The following CBX5 variants were observed in gnomAD, a reference collection of about 807,000 sequenced individuals.
CBX5 encodes chromobox 5, also known as chromobox protein homolog 5.
CBX5 carries 7 observed loss-of-function variants against 20.7 expected under a neutral mutation model. The observed-to-expected ratio is 0.34, with a 90% CI of 0.19 to 0.63. CBX5 has a LOEUF of 0.63. Ranked by LOEUF, CBX5 falls within the 30% of genes least tolerant of loss-of-function variation. The pLI is 0.75. For synonymous variants in CBX5, 78 were observed against 77.0 expected (o/e 1.01, Z -0.07); for missense variants, 110 against 224.1 (o/e 0.49, Z 3.25).
At chr12:54,243,018 G>C (rs1319040171) in intron 4 of CBX5, among the ~76,000 whole-genome samples, 1 of 152,088 alleles carries the variant, frequency 6.6e-6, no homozygotes, top group Non-Finnish European at 1.5e-5. Flanking sequence ...CAGCTACTTG[G>C]GAGGCTGAGG....
chr12:54,232,949 A>G lies in CBX5; in HGVS notation c.*8806T>C, dbSNP rs1229957771. ...GATCACATTCCAACAGAAACAATGA[A>G]TAAGAACCTTTTCCCCAGTGGTGGT... On this transcript the variant is annotated 3_prime_UTR_variant, in exon 5 of 5. Transcript: ENST00000209875. 6.6e-6 allele frequency: 1 copy of G among 151,996 alleles called. No homozygotes were observed. The highest frequency in any genetic ancestry group is 2.4e-5 in the African/African-American group (1 of 41,286). 9.4% of individuals were successfully genotyped at this position (151,996 alleles called of 1,614,324 possible).
At chr12:54,243,358 T>C (rs1321531626) in intron 4 of CBX5, among the ~76,000 whole-genome samples, 1 of 152,156 alleles carries the variant, frequency 6.6e-6, no homozygotes. Context: ...AGAAAAGCAC[T>C]TGAGCCCGGG....
chr12:54,266,259 A>T (rs981297047), intron 1 of CBX5, among the ~76,000 whole-genome samples: 1 of 151,646 alleles, frequency 6.6e-6, no homozygotes, highest in Non-Finnish European at 1.5e-5. Context: ...TTAGCCAGGC[A>T]TGGTGGTGGG....
intron 2 of CBX5, 66 bp from the exon 3 acceptor site, chr12:54,252,293 A>G (rs1470160373): frequency 2.6e-6 from 3 of 1,152,046 alleles, no homozygotes; most frequent in Non-Finnish European, 3.7e-6. Flanking sequence ...AAAAAATCCA[A>G]TGCCTTATTT....
intron 1 of CBX5, among the ~76,000 whole-genome samples, chr12:54,264,809 C>T (rs1023973127): frequency 4.0e-5 from 6 of 151,672 alleles, no homozygotes; most frequent in Non-Finnish European, 8.8e-5. Flanking sequence ...CGCCACTGCA[C>T]TCTAGCCTGG....
At chr12:54,273,887 T>C (rs1372190487) in intron 1 of CBX5, 1 of 152,144 alleles carries the variant, frequency 6.6e-6, no homozygotes, top group African/African-American at 2.4e-5. Context: ...GGAATAAAAT[T>C]TTAAACATCA....
At chr12:54,279,038 A>G (rs1944099443) in intron 1 of CBX5, 2 of 152,252 alleles carry the variant, frequency 1.3e-5, no homozygotes, top group East Asian at 3.8e-4. Context: ...ACAAATTATT[A>G]ACCTTGCAAA....
intron 1 of CBX5, among the ~76,000 whole-genome samples, chr12:54,277,512 T>C (rs1304930121): frequency 6.6e-6 from 1 of 152,030 alleles, no homozygotes; most frequent in Non-Finnish European, 1.5e-5. Flanking sequence ...GCCCAATTTT[T>C]GTTTTTAGTA....
intron 1 of CBX5, among the ~76,000 whole-genome samples, chr12:54,258,675 ATGT>A (rs916721693): frequency 2.0e-5 from 3 of 152,198 alleles, no homozygotes; most frequent in African/African-American, 7.2e-5. Flanking sequence ...AAAAATTCCC[ATGT>A]TGTTGTTCCA....
chr12:54,249,395 T>G (rs1943769437), intron 3 of CBX5, among the ~76,000 whole-genome samples: 1 of 151,562 alleles, frequency 6.6e-6, no homozygotes, highest in South Asian at 2.1e-4. Context: ...AAATTCTAAT[T>G]TTACTGGTCT....
At chr12:54,260,488 G>A (rs1373216013) in intron 1 of CBX5, among the ~76,000 whole-genome samples, 1 of 151,234 alleles carries the variant, frequency 6.6e-6, no homozygotes, top group Non-Finnish European at 1.5e-5. Flanking sequence ...GAGTGAGACT[G>A]TCTCGAAAAA....
chr12:54,248,235 C>T (rs1300557937), intron 3 of CBX5, among the ~76,000 whole-genome samples: 1 of 151,878 alleles, frequency 6.6e-6, no homozygotes, highest in Non-Finnish European at 1.5e-5. Context: ...GTGATCCACA[C>T]GCCTCAGCCT....
At chr12:54,244,677 G>T (rs141843878) in intron 4 of CBX5, among the ~76,000 whole-genome samples, 3,324 of 152,096 alleles carry the variant, frequency 0.022, 132 homozygotes, top group African/African-American at 0.075. Context: ...GGCAGAGATT[G>T]CAGTGAGCCA....
In CBX5 at chr12:54,245,976, A is replaced by G. The variant is rs78648075; in HGVS notation, c.425+139T>C. On this transcript the variant is annotated intron_variant, in intron 4 of 4. Coordinates refer to ENST00000209875, the MANE Select transcript of CBX5 (RefSeq NM_012117.3). ...CAGCATGGGCAACAAAGGGCGAAAC[A>G]CTGTCTCAAAAAAAGAAAGATCTCT... The G allele has an allele frequency of 1.3e-3, 846 of 657,128 alleles. 9 individuals carry two copies. The African/African-American group carries it at 0.014, about 11-fold the overall frequency. 40.7% of individuals were successfully genotyped at this position (657,128 alleles called of 1,614,324 possible). A position where few individuals can be genotyped will look rare whatever the true frequency, so the allele number is the denominator to read the frequency against.
At chr12:54,259,872 A>C (rs1262978839) in intron 1 of CBX5, among the ~76,000 whole-genome samples, 3 of 152,202 alleles carry the variant, frequency 2.0e-5, no homozygotes, top group Non-Finnish European at 2.9e-5. Context: ...ATAACATTTT[A>C]AGATCATCTA....
At position 54,256,510 on chromosome 12, in the gene CBX5, C is replaced by T. The variant is rs140345044; in HGVS notation, c.137+1004G>A. On this transcript the variant is annotated intron_variant, in intron 2 of 4. Coordinates refer to ENST00000209875, the MANE Select transcript of CBX5 (RefSeq NM_012117.3). Reference sequence around the variant, plus strand: ...GCCTTTATCCAAAAGTATTGGTAAACCACTGTATCTTTTAGTGTATTTAGG... The same window carrying T: ...GCCTTTATCCAAAAGTATTGGTAAATCACTGTATCTTTTAGTGTATTTAGG... Among the ~76,000 whole-genome samples, 993 of 152,224 alleles carry T rather than the reference C, an allele frequency of 6.5e-3. 16 individuals are homozygous for T. Among genetic ancestry groups the T allele is most frequent in the African/African-American group, 0.023 (948 of 41,522 alleles).
chr12:54,244,251 G>A (rs1037666465), intron 4 of CBX5, among the ~76,000 whole-genome samples: 10 of 150,824 alleles, frequency 6.6e-5, no homozygotes, highest in Non-Finnish European at 1.2e-4. Context: ...TGATCCGCCC[G>A]TCTCGGCGTC....
intron 1 of CBX5, among the ~76,000 whole-genome samples, chr12:54,269,944 A>G (rs1161125262): frequency 6.6e-6 from 1 of 152,180 alleles, no homozygotes. Flanking sequence ...TTCAACTAAG[A>G]CATTGAATGT....
intron 1 of CBX5, among the ~76,000 whole-genome samples, chr12:54,264,221 G>A (rs571272180): frequency 1.1e-4 from 16 of 152,232 alleles, no homozygotes; most frequent in South Asian, 4.2e-4. Flanking sequence ...GCAGTGGTGC[G>A]GACAGTTTAT....
Sources: allele counts gnomAD v4.1 joint callset (sites outside exome capture counted in the v4.1 genomes callset), GRCh38; gene constraint gnomAD v4.1.1; transcripts MANE v1.5; gene names NCBI Gene and HGNC (gene_info 2026-07-23, HGNC 2026-07-21).